DLG2: variants seen among roughly 807,000 people sequenced by gnomAD.
The protein encoded by DLG2 is discs large MAGUK scaffold protein 2, also known as disks large homolog 2.
Under a neutral mutation model 132.5 loss-of-function variants are expected in DLG2, and 45 were observed. That is an observed-to-expected ratio of 0.34 (90% CI 0.27 to 0.44). The LOEUF (loss-of-function observed/expected upper bound fraction) is 0.44. Among genes scored for constraint, DLG2 ranks in the 20% least tolerant of loss-of-function variants. The pLI is 1.00. For synonymous variants in DLG2, 424 were observed against 419.6 expected, an observed-to-expected ratio of 1.01 and a Z score of -0.13; for missense variants, 1,045 against 1,196.9, an observed-to-expected ratio of 0.87 and a Z score of 1.87.
intron 6 of DLG2, among the ~76,000 whole-genome samples, chr11:85,033,000 T>C (rs1462023061): frequency 6.6e-6 from 1 of 152,216 alleles, no homozygotes; most frequent in Non-Finnish European, 1.5e-5. Context: ...CTTTATACAT[T>C]GCATGCCAAG....
At chr11:83,566,335 C>A (rs1184824004) in intron 19 of DLG2, among the ~76,000 whole-genome samples, 1 of 152,196 alleles carries the variant, frequency 6.6e-6, no homozygotes, top group African/African-American at 2.4e-5. Flanking sequence ...TGTGCTCCCA[C>A]TGAATTCCCG....
chr11:84,106,548 A>G (rs1243385634), intron 9 of DLG2, among the ~76,000 whole-genome samples: 1 of 152,180 alleles, frequency 6.6e-6, no homozygotes, highest in African/African-American at 2.4e-5. Flanking sequence ...TCACAATTAT[A>G]CAATCTACAG....
intron 4 of DLG2, among the ~76,000 whole-genome samples, chr11:85,157,481 C>G (rs1206258194): frequency 2.0e-5 from 3 of 152,078 alleles, no homozygotes; most frequent in African/African-American, 7.2e-5. Context: ...TCCTGATTCA[C>G]CATTCGTGAG....
chr11:83,755,533 G>C (rs2093610395), intron 18 of DLG2, among the ~76,000 whole-genome samples: 1 of 151,224 alleles, frequency 6.6e-6, no homozygotes, highest in African/African-American at 2.5e-5. Context: ...TACTTTCCCA[G>C]ACTCAAAAAA....
intron 4 of DLG2, among the ~76,000 whole-genome samples, chr11:85,227,702 A>G (rs2075057921): frequency 1.3e-5 from 2 of 152,024 alleles, no homozygotes; most frequent in African/African-American, 4.8e-5. Context: ...ACCCCCTCCA[A>G]TGGCTTCCCA....
At chr11:83,500,125 G>A (rs1272801236) in intron 21 of DLG2, among the ~76,000 whole-genome samples, 3 of 151,666 alleles carry the variant, frequency 2.0e-5, no homozygotes, top group Non-Finnish European at 4.4e-5. Context: ...TGCATGCACT[G>A]TCACATTGCC....
chr11:84,361,476 C>A (rs78788457), intron 7 of DLG2, among the ~76,000 whole-genome samples: 7,973 of 151,438 alleles, frequency 0.053, 702 homozygotes, highest in African/African-American at 0.18. Flanking sequence ...CTATAACCTG[C>A]AAAAATATCA....
chr11:84,189,621 C>G (rs1475447015), intron 8 of DLG2, among the ~76,000 whole-genome samples: 3 of 152,158 alleles, frequency 2.0e-5, no homozygotes, highest in Non-Finnish European at 4.4e-5. Context: ...CACATATACA[C>G]CATGGAATAC....
chr11:85,275,613 T>C (rs2077839239), intron 4 of DLG2, among the ~76,000 whole-genome samples: 1 of 152,128 alleles, frequency 6.6e-6, no homozygotes, highest in African/African-American at 2.4e-5. Context: ...ATCATATATC[T>C]GGATTTTCAG....
chr11:84,327,806 T>C (rs1448570355), intron 7 of DLG2, among the ~76,000 whole-genome samples: 1 of 152,246 alleles, frequency 6.6e-6, no homozygotes, highest in Non-Finnish European at 1.5e-5. Flanking sequence ...GTTATTTTTA[T>C]ACTTTTGTCT....
chr11:85,119,651 TAA>T (rs1001367555), intron 5 of DLG2, among the ~76,000 whole-genome samples: 3 of 152,002 alleles, frequency 2.0e-5, no homozygotes, highest in African/African-American at 7.2e-5. Context: ...CATGGAAACA[TAA>T]AAGACTGTAA....
intron 3 of DLG2, among the ~76,000 whole-genome samples, chr11:85,396,830 T>C (rs1251678279): frequency 2.0e-5 from 3 of 152,152 alleles, no homozygotes; most frequent in Non-Finnish European, 2.9e-5. Flanking sequence ...ATGCGGAGAA[T>C]TGAACCAAGT....
intron 6 of DLG2, among the ~76,000 whole-genome samples, chr11:84,714,553 C>CTTTCTCTTTCTT (rs397956960): frequency 8.1e-4 from 89 of 109,242 alleles, no homozygotes; most frequent in African/African-American, 4.3e-3. Context: ...TTCTCTTTCT[C>CTTTCTCTTTCTT]TCTCTTTCTC....
rs577138259 is a variant in DLG2 at position 84,891,996 on chromosome 11, A to G, written c.357+219665T>C. On this transcript the variant is annotated intron_variant, in intron 6 of 27. Transcript: ENST00000376104. Reference sequence around the variant, plus strand: ...AGTCTTAATTTTATATTTATATGGTAATCTATTTAATTAAGCAAGTTTTTC... The same window carrying G: ...AGTCTTAATTTTATATTTATATGGTGATCTATTTAATTAAGCAAGTTTTTC... Among the ~76,000 whole-genome samples the G allele has an allele frequency of 1.2e-4, 18 of 152,322 alleles. No individual in the cohort carries two copies. The East Asian group carries it at 2.5e-3, about 21-fold the overall frequency.
chr11:84,185,833 T>C (rs1181740621), intron 8 of DLG2, among the ~76,000 whole-genome samples: 1 of 152,008 alleles, frequency 6.6e-6, no homozygotes, highest in Admixed American at 6.6e-5. Context: ...AGATTATCAA[T>C]GGAAATGTTT....
chr11:84,068,511 C>T (rs1182676187), intron 10 of DLG2, among the ~76,000 whole-genome samples: 1 of 152,054 alleles, frequency 6.6e-6, no homozygotes, highest in Non-Finnish European at 1.5e-5. Flanking sequence ...CCATTAGGTA[C>T]TTAGTGAAAA....
intron 15 of DLG2, among the ~76,000 whole-genome samples, chr11:83,898,421 T>C (rs1387848999): frequency 6.6e-6 from 1 of 152,096 alleles, no homozygotes; most frequent in Non-Finnish European, 1.5e-5. Flanking sequence ...AATTTGTTTT[T>C]GTATAGACTC....
chr11:85,207,737 T>C (rs1027095913), intron 4 of DLG2, among the ~76,000 whole-genome samples: 38 of 152,138 alleles, frequency 2.5e-4, no homozygotes, highest in African/African-American at 8.7e-4. Context: ...GAGATATTTA[T>C]ATATGGGGTG....
intron 3 of DLG2, among the ~76,000 whole-genome samples, chr11:85,429,498 C>G (rs572039819): frequency 6.6e-6 from 1 of 152,140 alleles, no homozygotes; most frequent in Non-Finnish European, 1.5e-5. Flanking sequence ...ACAATGAACT[C>G]AAACAAATCT....
Sources: gnomAD v4.1 joint callset for allele counts (sites outside exome capture counted in the v4.1 genomes callset) on GRCh38, gnomAD v4.1.1 for gene constraint, MANE v1.5 for transcripts, NCBI Gene and HGNC (gene_info 2026-07-23, HGNC 2026-07-21) for gene names.